The following TRAPPC9 variants were observed in gnomAD, a reference collection of about 807,000 sequenced individuals.
TRAPPC9 encodes trafficking protein particle complex subunit 9.
A neutral mutation model predicts 124.0 loss-of-function variants in TRAPPC9; 83 were observed. That is an observed-to-expected ratio of 0.67 (90% confidence interval 0.56 to 0.80). TRAPPC9 has a LOEUF of 0.80. Among genes scored for constraint, TRAPPC9 ranks in the 30% least tolerant of loss-of-function variants. The probability of loss-of-function intolerance (pLI) is 0.00; values close to 1 mark genes in which losing one functional copy is unlikely to be tolerated. For synonymous variants in TRAPPC9, 638 were observed against 617.5 expected, an observed-to-expected ratio of 1.03 and a Z score of -0.49; for missense variants, 1,302 against 1,508.3, an observed-to-expected ratio of 0.86 and a Z score of 2.27.
At chr8:140,032,047 G>A (rs1186933015) in intron 17 of TRAPPC9, among the ~76,000 whole-genome samples, 6 of 152,174 alleles carry the variant, frequency 3.9e-5, no homozygotes, top group Non-Finnish European at 5.9e-5. Flanking sequence ...GCAGAGGGCC[G>A]CCACGTCCTA....
At chr8:140,101,094 G>C (rs2060570320) in intron 17 of TRAPPC9, among the ~76,000 whole-genome samples, 1 of 152,154 alleles carries the variant, frequency 6.6e-6, no homozygotes, top group Non-Finnish European at 1.5e-5. Flanking sequence ...TCCTCTTCTA[G>C]CCACAAGCCA....
intron 19 of TRAPPC9, among the ~76,000 whole-genome samples, chr8:139,947,888 A>ATGTGTG (rs1342529093): frequency 1.1e-4 from 7 of 65,936 alleles, no homozygotes; most frequent in South Asian, 5.8e-4. Flanking sequence ...AAAAAGAAAT[A>ATGTGTG]TGTGTGTATA....
intron 19 of TRAPPC9, among the ~76,000 whole-genome samples, chr8:139,966,352 C>T (rs767520136): frequency 2.0e-5 from 3 of 152,216 alleles, no homozygotes; most frequent in Non-Finnish European, 4.4e-5. Flanking sequence ...GGGCAGGGTG[C>T]TCTCACCCAG....
chr8:139,933,203 G>A (rs557490474), intron 19 of TRAPPC9: 1 of 152,834 alleles, frequency 6.5e-6, no homozygotes, highest in South Asian at 2.1e-4. Flanking sequence ...CCTGGATTCT[G>A]TGCCTACCTG....
intron 5 of TRAPPC9, among the ~76,000 whole-genome samples, chr8:140,410,492 T>C (rs944035136): frequency 6.6e-6 from 1 of 151,926 alleles, no homozygotes; most frequent in Admixed American, 6.6e-5. Context: ...GCCAAGATCA[T>C]GCCACTGCAC....
chr8:139,993,127 A>T (rs890530412), intron 18 of TRAPPC9, among the ~76,000 whole-genome samples: 1 of 152,230 alleles, frequency 6.6e-6, no homozygotes, highest in Non-Finnish European at 1.5e-5. Context: ...CTTCATTTTT[A>T]ATGCGTTGCA....
At position 139,731,050 on chromosome 8, in the gene TRAPPC9, A is replaced by T. The variant is rs1251630593; in HGVS notation, c.*11T>A. ...CTGGCCCTGCAGAAAGAGGGACGGAAGTAGGCGGGCTCAGGCCTGCGCCTC... is the reference window on the plus strand; with the variant it reads ...CTGGCCCTGCAGAAAGAGGGACGGATGTAGGCGGGCTCAGGCCTGCGCCTC... On this transcript the variant is annotated 3_prime_UTR_variant, in exon 23 of 23. Coordinates refer to ENST00000438773, the MANE Select transcript of TRAPPC9 (RefSeq NM_001160372.4). 1 of 1,611,594 alleles carries T rather than the reference A, an allele frequency of 6.2e-7. No individual in the cohort carries two copies. Among genetic ancestry groups the T allele is most frequent in the African/African-American group, 1.3e-5 (1 of 74,832 alleles).
At chr8:140,307,122 C>T (rs930954876) in intron 10 of TRAPPC9, among the ~76,000 whole-genome samples, 1 of 152,150 alleles carries the variant, frequency 6.6e-6, no homozygotes, top group African/African-American at 2.4e-5. Flanking sequence ...ACATTGTCCC[C>T]CTGAAAGAAA....
intron 20 of TRAPPC9, among the ~76,000 whole-genome samples, chr8:139,908,365 C>T (rs542396048): frequency 1.3e-5 from 2 of 152,284 alleles, no homozygotes; most frequent in Non-Finnish European, 2.9e-5. Flanking sequence ...ATCTCTGAGA[C>T]CCGAGTAAGA....
chr8:139,909,256 A>G (rs747317847), intron 20 of TRAPPC9, among the ~76,000 whole-genome samples: 1 of 152,194 alleles, frequency 6.6e-6, no homozygotes, highest in Admixed American at 6.5e-5. Context: ...ATGGGCTCTC[A>G]TGCCTCAGTA....
intron 17 of TRAPPC9, among the ~76,000 whole-genome samples, chr8:140,106,469 C>T (rs1203003360): frequency 6.6e-6 from 1 of 152,226 alleles, no homozygotes; most frequent in East Asian, 1.9e-4. Context: ...CAAGCCAGGC[C>T]TTGCCAAGAT....
chr8:140,142,223 G>A (rs929700082), intron 17 of TRAPPC9, among the ~76,000 whole-genome samples: 10 of 152,346 alleles, frequency 6.6e-5, no homozygotes, highest in African/African-American at 1.2e-4. Context: ...ACGGCATCTC[G>A]TGCACACATT....
chr8:140,430,993 C>G lies in TRAPPC9; in HGVS notation c.859+4119G>C, dbSNP rs140073386. On this transcript the variant is annotated intron_variant, in intron 4 of 22. Transcript: ENST00000438773. Reference sequence around the variant, plus strand: ...CGGAATTTTTATTCTCTACCTTACTCTTGTCTCGTCTCTCAGTTGGTTGTT... The same window carrying G: ...CGGAATTTTTATTCTCTACCTTACTGTTGTCTCGTCTCTCAGTTGGTTGTT... 4.7e-3 allele frequency among the ~76,000 whole-genome samples: 714 copies of G among 152,192 alleles called. 11 individuals carry two copies. The highest frequency in any genetic ancestry group is 0.017 in the African/African-American group (694 of 41,514).
At position 140,341,679 on chromosome 8, in the gene TRAPPC9, G is replaced by GA. The variant is rs577666696; in HGVS notation, c.1495+18370dup. Among the ~76,000 whole-genome samples, 705 of 132,686 alleles carry GA rather than the reference G, an allele frequency of 5.3e-3. 1 individual carries two copies. The highest frequency in any genetic ancestry group is 7.6e-3 in the Middle Eastern group (2 of 262). 87.0% of individuals were successfully genotyped at this position (132,686 alleles called of 152,430 possible). On this transcript the variant is annotated intron_variant, in intron 9 of 22. Transcript: ENST00000438773. Reference sequence around the variant, plus strand: ...GATAAGCATTGTTATATACGCATGGGAAAAAAAAAAAAAAACTTTGGGAAG... The same window carrying GA: ...GATAAGCATTGTTATATACGCATGGGAAAAAAAAAAAAAAAACTTTGGGAAG...
chr8:140,260,495 G>A (rs2064378541), intron 15 of TRAPPC9, among the ~76,000 whole-genome samples: 2 of 152,172 alleles, frequency 1.3e-5, no homozygotes, highest in African/African-American at 4.8e-5. Context: ...CAAATTGGAA[G>A]GTGATCAAAT....
chr8:140,203,915 C>T (rs917075370), intron 17 of TRAPPC9, among the ~76,000 whole-genome samples: 2 of 152,200 alleles, frequency 1.3e-5, no homozygotes, highest in East Asian at 3.9e-4. Flanking sequence ...GCCCTCCACA[C>T]AGACAAACTG....
chr8:140,102,318 G>A (rs961780734), intron 17 of TRAPPC9, among the ~76,000 whole-genome samples: 13 of 152,214 alleles, frequency 8.5e-5, no homozygotes, highest in African/African-American at 3.1e-4. Flanking sequence ...GGAAATGAAA[G>A]AAAGAGATGT....
intron 17 of TRAPPC9, among the ~76,000 whole-genome samples, chr8:140,042,179 G>A (rs369271938): frequency 1.3e-5 from 2 of 151,088 alleles, no homozygotes; most frequent in African/African-American, 4.9e-5. Context: ...ATAATATAAA[G>A]TCTGCAACTT....
In TRAPPC9 at chr8:140,353,958, G is replaced by A. The variant is rs993864400; in HGVS notation, c.1495+6092C>T. ...AAGCTCTGACAGCGGCAGGCACAGGGCACGGGGAGCTCCCAGAGGGGGCAC... is the reference window on the plus strand; with the variant it reads ...AAGCTCTGACAGCGGCAGGCACAGGACACGGGGAGCTCCCAGAGGGGGCAC... On this transcript the variant is annotated intron_variant, in intron 9 of 22. Coordinates refer to ENST00000438773, the MANE Select transcript of TRAPPC9 (RefSeq NM_001160372.4). This position sits in a 1 kb window ranked among gnomAD's most constrained non-coding sequence, Gnocchi z 4.2. 3.9e-5 allele frequency among the ~76,000 whole-genome samples: 6 copies of A among 152,200 alleles called. No homozygotes were observed. Among genetic ancestry groups the A allele is most frequent in the African/African-American group, 1.4e-4 (6 of 41,436 alleles).
Sources: gnomAD v4.1 joint callset for allele counts (sites outside exome capture counted in the v4.1 genomes callset) on GRCh38, gnomAD v4.1.1 for gene constraint, Gnocchi (gnomAD v3.1) non-coding constraint, MANE v1.5 for transcripts, NCBI Gene and HGNC (gene_info 2026-07-23, HGNC 2026-07-21) for gene names.